The following PHACTR1 variants were observed in gnomAD, a reference collection of about 807,000 sequenced individuals.
The protein encoded by PHACTR1 is phosphatase and actin regulator 1, also known as RPEL repeat containing 1.
PHACTR1 carries 16 observed loss-of-function variants against 69.2 expected under a neutral mutation model. The observed-to-expected ratio is 0.23, with a 90% CI of 0.16 to 0.35. The LOEUF (loss-of-function observed/expected upper bound fraction) is 0.35. Ranked by LOEUF, PHACTR1 falls within the 10% of genes least tolerant of loss-of-function variation. The pLI, the probability that PHACTR1 is intolerant of heterozygous loss-of-function variation, is 1.00. For synonymous variants in PHACTR1, 312 were observed against 284.5 expected (o/e 1.10, Z -0.97); for missense variants, 510 against 734.7 (o/e 0.69, Z 3.54).
chr6:12,797,314 G>A lies in PHACTR1; in HGVS notation c.250+47524G>A, dbSNP rs1054047816. The stretch of plus-strand genomic sequence containing the variant: ...CAACAACCAAAAGGCATACATTCAC[G>A]GACTGCATATTGTGCAGTGATTCAA... On this transcript the variant is annotated intron_variant, in intron 4 of 14. Transcript: ENST00000332995. 3.3e-5 allele frequency among the ~76,000 whole-genome samples: 5 copies of A among 152,212 alleles called. No homozygotes were observed. In the East Asian group the frequency reaches 5.8e-4, roughly 18 times the overall value.
chr6:13,116,000 C>G (rs1817763805), intron 5 of PHACTR1, among the ~76,000 whole-genome samples: 1 of 152,174 alleles, frequency 6.6e-6, no homozygotes, highest in Non-Finnish European at 1.5e-5. Context: ...TGTATGTGAC[C>G]AAGTGGCCCT....
chr6:12,821,518 T>A (rs764807785), intron 4 of PHACTR1, among the ~76,000 whole-genome samples: 1 of 144,906 alleles, frequency 6.9e-6, no homozygotes, highest in Non-Finnish European at 1.5e-5. Context: ...TAAGCATCAA[T>A]GAGTGTGGCT....
At chr6:12,859,313 A>G (rs1780708155) in intron 4 of PHACTR1, among the ~76,000 whole-genome samples, 1 of 152,190 alleles carries the variant, frequency 6.6e-6, no homozygotes, top group South Asian at 2.1e-4. Context: ...ATATAACCAT[A>G]AAAGAGCTGG....
chr6:12,828,638 G>T lies in PHACTR1; in HGVS notation c.250+78848G>T, dbSNP rs79025237. Reference sequence around the variant, plus strand: ...TCTTTGAAGGAGTAGGATTATGGATGGTTTCTGTTTCCCTCTGTTTCTTTA... The same window carrying T: ...TCTTTGAAGGAGTAGGATTATGGATTGTTTCTGTTTCCCTCTGTTTCTTTA... On this transcript the variant is annotated intron_variant, in intron 4 of 14. Coordinates refer to ENST00000332995, the MANE Select transcript of PHACTR1 (RefSeq NM_030948.6). Among the ~76,000 whole-genome samples, 1,174 of 152,138 alleles carry T rather than the reference G, an allele frequency of 7.7e-3. 13 individuals are homozygous for T. Among genetic ancestry groups the T allele is most frequent in the Non-Finnish European group, 0.012 (787 of 67,994 alleles).
chr6:13,193,987 G>A (rs772595690), intron 7 of PHACTR1, among the ~76,000 whole-genome samples: 11 of 152,162 alleles, frequency 7.2e-5, no homozygotes, highest in Non-Finnish European at 1.5e-4. Flanking sequence ...CATGGCTGCA[G>A]ACATAAACAA....
intron 4 of PHACTR1, among the ~76,000 whole-genome samples, chr6:12,973,916 ATTTT>A (rs33948457): frequency 2.2e-5 from 2 of 92,860 alleles, no homozygotes; most frequent in African/African-American, 4.4e-5. Context: ...AGAGGCTGGG[ATTTT>A]TTTTTTTTTT....
At chr6:12,884,042 A>G (rs1198416417) in intron 4 of PHACTR1, among the ~76,000 whole-genome samples, 1 of 152,054 alleles carries the variant, frequency 6.6e-6, no homozygotes, top group African/African-American at 2.4e-5. Context: ...ACATGCATAC[A>G]TATATACACA....
chr6:13,027,800 C>G (rs937831956), intron 4 of PHACTR1, among the ~76,000 whole-genome samples: 11 of 152,152 alleles, frequency 7.2e-5, no homozygotes, highest in Non-Finnish European at 1.5e-4. Flanking sequence ...CTCAGTCTCC[C>G]AAGCACCTGG....
intron 4 of PHACTR1, among the ~76,000 whole-genome samples, chr6:13,014,517 A>T (rs1417799207): frequency 6.6e-6 from 1 of 152,150 alleles, no homozygotes; most frequent in East Asian, 1.9e-4. Context: ...TCCTATTATG[A>T]TGGGATACAG....
At chr6:12,940,914 A>AC (rs1350825724) in intron 4 of PHACTR1, among the ~76,000 whole-genome samples, 1 of 152,188 alleles carries the variant, frequency 6.6e-6, no homozygotes, top group Non-Finnish European at 1.5e-5. Flanking sequence ...TACTACTGTC[A>AC]CCCCATGTAG....
chr6:12,878,215 G>C (rs574873943), intron 4 of PHACTR1, among the ~76,000 whole-genome samples: 2 of 152,186 alleles, frequency 1.3e-5, no homozygotes, highest in Middle Eastern at 3.2e-3. Context: ...CTTAGCTGAT[G>C]TTTTGCCATG....
At chr6:13,207,276 A>G (rs1766079019) in intron 8 of PHACTR1, among the ~76,000 whole-genome samples, 1 of 152,246 alleles carries the variant, frequency 6.6e-6, no homozygotes, top group South Asian at 2.1e-4. Flanking sequence ...AATATGAAAT[A>G]AGAAAAGATG....
rs114274900 is a variant in PHACTR1 at position 12,955,123 on chromosome 6, C to T, written c.251-98242C>T. Among the ~76,000 whole-genome samples, 791 of 150,644 alleles carry T rather than the reference C, an allele frequency of 5.3e-3. 7 individuals are homozygous for T. Among genetic ancestry groups the T allele is most frequent in the African/African-American group, 0.019 (759 of 40,750 alleles). On this transcript the variant is annotated intron_variant, in intron 4 of 14. Coordinates refer to ENST00000332995, the MANE Select transcript of PHACTR1 (RefSeq NM_030948.6). The stretch of plus-strand genomic sequence containing the variant: ...ATAAGATATATTACAAAAATAATTT[C>T]CCTTAAAAAATTTTAATATGACTAC...
chr6:13,278,475 C>A, intron 12 of PHACTR1, 146 bp downstream of exon 12: 1 of 656,184 alleles, frequency 1.5e-6, no homozygotes, highest in Non-Finnish European at 2.6e-6. Context: ...CTCTATAAGA[C>A]CTCTCCACTC....
chr6:12,953,846 G>A (rs1408203097), intron 4 of PHACTR1, among the ~76,000 whole-genome samples: 1 of 152,162 alleles, frequency 6.6e-6, no homozygotes, highest in African/African-American at 2.4e-5. Context: ...TAATTCCTCA[G>A]ACATTTATTG....
intron 4 of PHACTR1, among the ~76,000 whole-genome samples, chr6:12,871,712 T>G (rs529111799): frequency 6.6e-6 from 1 of 152,332 alleles, no homozygotes; most frequent in East Asian, 1.9e-4. Context: ...TTAGGTAGTG[T>G]CAGCCCGATC....
intron 9 of PHACTR1, among the ~76,000 whole-genome samples, chr6:13,229,326 T>G (rs2127322466): frequency 6.6e-6 from 1 of 152,108 alleles, no homozygotes; most frequent in African/African-American, 2.4e-5. Flanking sequence ...TGCCTTGGGA[T>G]TTTGCCAGGT....
In PHACTR1 at chr6:12,843,480, G is replaced by GATAAATAA. The variant is rs557892652; in HGVS notation, c.250+93697_250+93698insAATAAATA. On this transcript the variant is annotated intron_variant, in intron 4 of 14. Transcript: ENST00000332995. ...TTATGCACGTGTGTGTGTATAGACA[G>GATAAATAA]ATAAATAGATAAACAGATAGAAAGA... is the stretch of plus-strand genomic sequence containing the variant. Among the ~76,000 whole-genome samples, 8 of 152,306 alleles carry GATAAATAA rather than the reference G, an allele frequency of 5.3e-5. No individual in the cohort carries two copies. In the East Asian group the frequency reaches 1.5e-3, roughly 29 times the overall value.
chr6:13,095,509 T>A (rs1339465816), intron 5 of PHACTR1, among the ~76,000 whole-genome samples: 3 of 152,044 alleles, frequency 2.0e-5, no homozygotes, highest in African/African-American at 4.8e-5. Flanking sequence ...GGTTTGATAG[T>A]TTGTGTTTTA....
Sources: gnomAD v4.1 joint callset for allele counts (sites outside exome capture counted in the v4.1 genomes callset) on GRCh38, gnomAD v4.1.1 for gene constraint, MANE v1.5 for transcripts, NCBI Gene and HGNC (gene_info 2026-07-23, HGNC 2026-07-21) for gene names.